IGSF10: variants seen among roughly 807,000 people sequenced by gnomAD.
IGSF10 encodes calvaria mechanical force protein 608.
A neutral mutation model predicts 128.2 loss-of-function variants in IGSF10; 126 were observed. That is an observed-to-expected ratio of 0.98 (90% CI 0.85 to 1.14). The LOEUF (loss-of-function observed/expected upper bound fraction) is 1.14, where lower values mean the gene tolerates loss of function less well. Ranked by LOEUF, IGSF10 falls within the 50% of genes most tolerant of loss-of-function variation. The pLI is 0.00. For synonymous variants in IGSF10, 1,185 were observed against 1,146.2 expected, an observed-to-expected ratio of 1.03 and a Z score of -0.68; for missense variants, 3,295 against 3,149.8, an observed-to-expected ratio of 1.05 and a Z score of -1.10.
chr3:151,479,441 GCT>G, the IGSF10 span, among the ~76,000 whole-genome samples: 1 of 151,580 alleles, frequency 6.6e-6, no homozygotes, highest in Non-Finnish European at 1.5e-5. Flanking sequence ...TTTATTTTCC[GCT>G]CTTTTTTAGG....
the IGSF10 span, among the ~76,000 whole-genome samples, chr3:151,477,758 A>G: frequency 6.6e-6 from 1 of 152,220 alleles, no homozygotes; most frequent in East Asian, 1.9e-4. Context: ...ATGATGTTAG[A>G]GAAGGGGTTG....
chr3:151,498,507 G>A, the IGSF10 span, among the ~76,000 whole-genome samples: 124,944 of 151,818 alleles, frequency 0.82, 51,493 homozygotes, highest in Middle Eastern at 0.93. Flanking sequence ...CTGGTTCAAC[G>A]TACACAAATC....
the IGSF10 span, among the ~76,000 whole-genome samples, chr3:151,508,186 A>T: frequency 1.3e-5 from 2 of 152,264 alleles, no homozygotes; most frequent in South Asian, 2.1e-4. Flanking sequence ...TGTATTAAAA[A>T]TTTTGTTTGG....
chr3:151,476,539 T>C, the IGSF10 span, among the ~76,000 whole-genome samples: 2,554 of 152,302 alleles, frequency 0.017, 21 homozygotes, highest in South Asian at 0.034. Flanking sequence ...GGAGGTATCT[T>C]CCGGCCAGCT....
At chr3:151,515,728 TGTGTG>T in the IGSF10 span, among the ~76,000 whole-genome samples, 1 of 5,224 alleles carries the variant, frequency 1.9e-4, no homozygotes, top group Non-Finnish European at 3.8e-4. Context: ...ATTACGTGTG[TGTGTG>T]TGTGTGTGTG....
At chr3:151,543,780 A>G in the IGSF10 span, among the ~76,000 whole-genome samples, 2 of 152,204 alleles carry the variant, frequency 1.3e-5, no homozygotes, top group Admixed American at 6.5e-5. Flanking sequence ...AGGCCTGGAT[A>G]TCTGCCTTGG....
chr3:151,548,475 G>A, the IGSF10 span, among the ~76,000 whole-genome samples: 1 of 152,176 alleles, frequency 6.6e-6, no homozygotes, highest in Non-Finnish European at 1.5e-5. Context: ...CAAAACCCAA[G>A]AGCATAATAA....
the IGSF10 span, among the ~76,000 whole-genome samples, chr3:151,612,170 G>A: frequency 2.9e-3 from 442 of 152,188 alleles, 3 homozygotes; most frequent in African/African-American, 0.01. Context: ...ATTGCACTTC[G>A]TGTCAAGTTC....
chr3:151,465,844 T>C (rs930095524), upstream of IGSF10, among the ~76,000 whole-genome samples: 9 of 152,176 alleles, frequency 5.9e-5, no homozygotes, highest in Non-Finnish European at 1.2e-4. Flanking sequence ...GTAGACAAGA[T>C]TGAAAACCTA....
the IGSF10 span, among the ~76,000 whole-genome samples, chr3:151,469,906 C>G: frequency 1.6e-3 from 238 of 152,238 alleles, 2 homozygotes; most frequent in South Asian, 0.011. Flanking sequence ...AATTGTAATA[C>G]CAAGATTTCC....
chr3:151,461,193 G>A (rs568998167), upstream of IGSF10: 3 of 985,322 alleles, frequency 3.0e-6, no homozygotes, highest in South Asian at 9.4e-5. Context: ...AAGCTAATTC[G>A]CCGTGGCTTC....
At position 151,447,504 on chromosome 3, in the gene IGSF10, C is replaced by G. The variant is rs140408507; in HGVS notation, c.2477G>C (p.Arg826Thr). 270 of 1,613,948 alleles carry G rather than the reference C, an allele frequency of 1.7e-4. 1 individual carries two copies. Among genetic ancestry groups the G allele is most frequent in the Non-Finnish European group, 1.6e-4 (191 of 1,179,996 alleles). Residue 826 changes from arginine to threonine, a missense_variant, in exon 6 of 8, where the codon AGA becomes ACA. Transcript: ENST00000282466. ...TGTCATAGGACTATCAGATATTGTT[C>G]TGGAGTCAGCAGTCACTGTCCTTGC... ...LPARTVTADS[R>T]TISDSPMTNI...
the IGSF10 span, among the ~76,000 whole-genome samples, chr3:151,507,711 T>C: frequency 1.3e-5 from 2 of 152,072 alleles, no homozygotes; most frequent in African/African-American, 4.8e-5. Context: ...AGCATGAGGG[T>C]AACCACTACC....
At chr3:151,433,386 C>G (rs966884538), downstream of IGSF10, 3 of 152,588 alleles carry the variant, frequency 2.0e-5, no homozygotes, top group Admixed American at 2.0e-4. Context: ...TAGGACTCTT[C>G]TTTGCTTTTG....
the IGSF10 span, among the ~76,000 whole-genome samples, chr3:151,574,706 G>A: frequency 6.6e-6 from 1 of 152,166 alleles, no homozygotes; most frequent in Admixed American, 6.5e-5. Flanking sequence ...CTGACTTTCT[G>A]AAGCCTACTT....
the IGSF10 span, among the ~76,000 whole-genome samples, chr3:151,515,162 T>C: frequency 6.6e-6 from 1 of 152,072 alleles, no homozygotes; most frequent in Non-Finnish European, 1.5e-5. Context: ...TAAAGACACA[T>C]GCACACGTAT....
At chr3:151,490,668 A>G in the IGSF10 span, among the ~76,000 whole-genome samples, 2 of 152,184 alleles carry the variant, frequency 1.3e-5, no homozygotes, top group African/African-American at 4.8e-5. Context: ...TTCACATAAT[A>G]TCTGATATTA....
chr3:151,437,463 T>G lies in IGSF10; in HGVS notation c.7098A>C (p.Pro2366=), dbSNP rs1207058943. 3 of 1,614,072 alleles carry G rather than the reference T, an allele frequency of 1.9e-6. No individual in the cohort carries two copies. Among genetic ancestry groups the G allele is most frequent in the Non-Finnish European group, 8.5e-7 (1 of 1,180,046 alleles). ...ALNCSVDGNP[P]PEIIWILPNG... is the part of the protein sequence containing the mutation. ...TTGGTAAAATCCAGATTATTTCAGG[T>G]GGTGGGTTACCATCAACAGAGCAAT... The change falls in exon 8 of 8, where the codon CCA becomes CCC. Residue 2366 remains proline (P), a synonymous_variant. Coordinates refer to ENST00000282466, the MANE Select transcript of IGSF10 (RefSeq NM_178822.5).
chr3:151,617,686 G>C, the IGSF10 span, among the ~76,000 whole-genome samples: 1 of 151,938 alleles, frequency 6.6e-6, no homozygotes, highest in African/African-American at 2.4e-5. Context: ...ATGAGTTTTG[G>C]GGGGCCAGGA....
Sources: allele counts gnomAD v4.1 joint callset (sites outside exome capture counted in the v4.1 genomes callset), GRCh38; gene constraint gnomAD v4.1.1; transcripts MANE v1.5; gene names NCBI Gene and HGNC (gene_info 2026-07-23, HGNC 2026-07-21).